ZFPM2: variants seen among roughly 807,000 people sequenced by gnomAD.
ZFPM2 encodes the protein zinc finger protein, FOG family member 2, also known as zinc finger protein ZFPM2.
A neutral mutation model predicts 98.6 loss-of-function variants in ZFPM2; 20 were observed. That is an observed-to-expected ratio of 0.20 (90% confidence interval 0.14 to 0.29). The LOEUF (loss-of-function observed/expected upper bound fraction) is 0.29. Ranked by LOEUF, ZFPM2 falls within the 10% of genes least tolerant of loss-of-function variation. The pLI, the probability that ZFPM2 is intolerant of heterozygous loss-of-function variation, is 1.00. For synonymous variants in ZFPM2, 518 were observed against 502.7 expected (o/e 1.03, Z -0.41); for missense variants, 1,310 against 1,388.6 (o/e 0.94, Z 0.90).
chr8:105,625,892 T>C (rs1816643628), intron 4 of ZFPM2, among the ~76,000 whole-genome samples: 1 of 150,906 alleles, frequency 6.6e-6, no homozygotes, highest in Non-Finnish European at 1.5e-5. Flanking sequence ...TTATATCACA[T>C]CAATAATGTT....
chr8:105,402,512 G>A (rs1254037161), intron 1 of ZFPM2, among the ~76,000 whole-genome samples: 4 of 151,734 alleles, frequency 2.6e-5, no homozygotes, highest in African/African-American at 4.8e-5. Context: ...AATTTAACCC[G>A]TCTTTAGAGA....
At chr8:105,387,908 C>T (rs185069843) in intron 1 of ZFPM2, 1 of 152,340 alleles carries the variant, frequency 6.6e-6, no homozygotes, top group East Asian at 1.9e-4. Context: ...AACCTGTATT[C>T]GCCCTGGAAA....
chr8:105,547,506 C>T (rs1307673837), intron 3 of ZFPM2, among the ~76,000 whole-genome samples: 1 of 134,060 alleles, frequency 7.5e-6, no homozygotes, highest in Non-Finnish European at 1.5e-5. Flanking sequence ...CACACCATTG[C>T]ACTCCAGCCT....
chr8:105,670,312 C>T (rs1586186836), intron 5 of ZFPM2, among the ~76,000 whole-genome samples: 1 of 151,806 alleles, frequency 6.6e-6, no homozygotes. Context: ...CTGGCTAACA[C>T]GGTGAAACCC....
chr8:105,629,238 CGAG>C (rs765312223), intron 4 of ZFPM2, among the ~76,000 whole-genome samples: 1 of 152,108 alleles, frequency 6.6e-6, no homozygotes, highest in African/African-American at 2.4e-5. Context: ...CTCCCTCCCG[CGAG>C]GAGATGAGAG....
At position 105,377,607 on chromosome 8, in the gene ZFPM2, C is replaced by CAAAAAAAAAAAAAAAAA. The variant is rs36124912; in HGVS notation, c.41-41527_41-41511dup. On this transcript the variant is annotated intron_variant, in intron 1 of 7. Coordinates refer to ENST00000407775, the MANE Select transcript of ZFPM2 (RefSeq NM_012082.4). ...CAAAACCCCGTTTTTCTTAAAAATCCAAAAAAAAAAAAAAAAAAAAAAAAA... is the reference window on the plus strand; with the variant it reads ...CAAAACCCCGTTTTTCTTAAAAATCCAAAAAAAAAAAAAAAAAAAAAAAAAAAAAAAAAAAAAAAAAA... 5.8e-4 allele frequency among the ~76,000 whole-genome samples: 37 copies of CAAAAAAAAAAAAAAAAA among 63,876 alleles called. 9 individuals carry two copies. Among genetic ancestry groups the CAAAAAAAAAAAAAAAAA allele is most frequent in the African/African-American group, 1.9e-3 (31 of 16,590 alleles). 41.9% of individuals were successfully genotyped at this position (63,876 alleles called of 152,430 possible).
At chr8:105,765,556 G>A (rs1355255412) in intron 5 of ZFPM2, among the ~76,000 whole-genome samples, 2 of 151,796 alleles carry the variant, frequency 1.3e-5, no homozygotes, top group Non-Finnish European at 2.9e-5. Context: ...TATAGCCAAA[G>A]TGAGTGTTGC....
chr8:105,555,697 G>C (rs1419524816), intron 3 of ZFPM2, among the ~76,000 whole-genome samples: 4 of 152,128 alleles, frequency 2.6e-5, no homozygotes, highest in Non-Finnish European at 5.9e-5. Context: ...ATGCAAAACT[G>C]TATGATATTG....
intron 3 of ZFPM2, among the ~76,000 whole-genome samples, chr8:105,448,843 T>C (rs1475639935): frequency 6.6e-6 from 1 of 152,068 alleles, no homozygotes; most frequent in East Asian, 1.9e-4. Context: ...GGTCTTCCCT[T>C]ACCCTAGGAC....
intron 1 of ZFPM2, among the ~76,000 whole-genome samples, chr8:105,330,571 TATATATATACATATATATATATAC>T (rs1812200786): frequency 2.2e-5 from 2 of 91,256 alleles, no homozygotes; most frequent in Admixed American, 1.1e-4. Flanking sequence ...TATATATACA[TATATATATACATATATATATATAC>T]ATATATATAT....
chr8:105,610,821 C>A (rs1165309982), intron 4 of ZFPM2, among the ~76,000 whole-genome samples: 4 of 152,160 alleles, frequency 2.6e-5, no homozygotes, highest in Non-Finnish European at 5.9e-5. Flanking sequence ...AGACAGATTT[C>A]CTAAGGGCAG....
At chr8:105,462,828 G>A (rs1009726939) in intron 3 of ZFPM2, among the ~76,000 whole-genome samples, 3 of 151,916 alleles carry the variant, frequency 2.0e-5, no homozygotes, top group Non-Finnish European at 2.9e-5. Flanking sequence ...AAGAAATAGC[G>A]AATCCGTTTG....
chr8:105,577,339 T>G (rs759197426), intron 4 of ZFPM2, among the ~76,000 whole-genome samples: 1 of 152,116 alleles, frequency 6.6e-6, no homozygotes, highest in African/African-American at 2.4e-5. Flanking sequence ...CACACATACA[T>G]GCACATGCAT....
intron 5 of ZFPM2, among the ~76,000 whole-genome samples, chr8:105,681,498 T>TA (rs1431459562): frequency 6.6e-6 from 1 of 152,194 alleles, no homozygotes; most frequent in Non-Finnish European, 1.5e-5. Context: ...TGTGATAAGG[T>TA]ACATGATTGT....
At chr8:105,446,207 A>G (rs1441448285) in intron 3 of ZFPM2, among the ~76,000 whole-genome samples, 2 of 152,174 alleles carry the variant, frequency 1.3e-5, no homozygotes, top group Non-Finnish European at 2.9e-5. Flanking sequence ...GGCGTGAGCT[A>G]CCGTGCCCGG....
At chr8:105,754,299 A>C (rs539570363) in intron 5 of ZFPM2, among the ~76,000 whole-genome samples, 1 of 152,314 alleles carries the variant, frequency 6.6e-6, no homozygotes, top group South Asian at 2.1e-4. Flanking sequence ...TATTTAATTT[A>C]AAAGCAAATA....
At chr8:105,436,344 A>C (rs1191955436) in intron 2 of ZFPM2, among the ~76,000 whole-genome samples, 2 of 151,740 alleles carry the variant, frequency 1.3e-5, no homozygotes, top group African/African-American at 4.8e-5. Flanking sequence ...ACATGGAGAA[A>C]CCCTGTCTCT....
At chr8:105,467,383 A>G (rs980218613) in intron 3 of ZFPM2, among the ~76,000 whole-genome samples, 1 of 152,118 alleles carries the variant, frequency 6.6e-6, no homozygotes, top group African/African-American at 2.4e-5. Flanking sequence ...CACACAAGAT[A>G]CTTATACCCA....
intron 4 of ZFPM2, among the ~76,000 whole-genome samples, chr8:105,575,332 C>A (rs1189484545): frequency 6.6e-6 from 1 of 152,180 alleles, no homozygotes; most frequent in Non-Finnish European, 1.5e-5. Flanking sequence ...GTATCACCCC[C>A]CTCCCTTTCC....
Sources: gnomAD v4.1 joint callset for allele counts (sites outside exome capture counted in the v4.1 genomes callset) on GRCh38, gnomAD v4.1.1 for gene constraint, MANE v1.5 for transcripts, NCBI Gene and HGNC (gene_info 2026-07-23, HGNC 2026-07-21) for gene names.